Variants in TMEM178B observed in about 807,000 individuals in gnomAD.
TMEM178B encodes the protein transmembrane protein 178B.
Under a neutral mutation model 31.0 loss-of-function variants are expected in TMEM178B, and 5 were observed. The ratio of observed to expected loss-of-function variants is 0.16; its 90% CI spans 0.08 to 0.34. The LOEUF (loss-of-function observed/expected upper bound fraction) is 0.34. Ranked by LOEUF, TMEM178B falls within the 10% of genes least tolerant of loss-of-function variation. The probability of loss-of-function intolerance (pLI) is 1.00; values close to 1 mark genes in which losing one functional copy is unlikely to be tolerated. For missense variants in TMEM178B, 275 were observed against 400.3 expected (o/e 0.69, Z 2.67); for synonymous variants, 164 against 164.0 (o/e 1.00, Z 0.00).
chr7:141,167,321 C>T (rs1796277490), intron 1 of TMEM178B, among the ~76,000 whole-genome samples: 1 of 152,244 alleles, frequency 6.6e-6, no homozygotes, highest in South Asian at 2.1e-4. Context: ...TGTCATTTGT[C>T]TCTCTGTATG....
At chr7:141,420,621 C>T (rs1305179122) in intron 2 of TMEM178B, among the ~76,000 whole-genome samples, 1 of 152,060 alleles carries the variant, frequency 6.6e-6, no homozygotes, top group African/African-American at 2.4e-5. Flanking sequence ...ATCTCCTTAA[C>T]AGGAGAGGGA....
intron 2 of TMEM178B, among the ~76,000 whole-genome samples, chr7:141,301,678 C>T (rs117700557): frequency 7.3e-4 from 111 of 152,282 alleles, no homozygotes; most frequent in Non-Finnish European, 1.4e-3. Context: ...AGGAACAACT[C>T]CACTCCTTGC....
At chr7:141,169,111 T>A (rs1796305923) in intron 1 of TMEM178B, among the ~76,000 whole-genome samples, 1 of 152,348 alleles carries the variant, frequency 6.6e-6, no homozygotes, top group African/African-American at 2.4e-5. Context: ...ACTTGTGTCA[T>A]GGGGGTTGGT....
intron 3 of TMEM178B, among the ~76,000 whole-genome samples, chr7:141,457,535 TAAGA>T: frequency 6.6e-6 from 1 of 152,056 alleles, no homozygotes; most frequent in East Asian, 1.9e-4. Flanking sequence ...GGCTTCCTCA[TAAGA>T]AAGAATAGTG....
chr7:141,270,269 G>C (rs182368222), intron 2 of TMEM178B, among the ~76,000 whole-genome samples: 1 of 152,162 alleles, frequency 6.6e-6, no homozygotes, highest in Non-Finnish European at 1.5e-5. Context: ...GGTACAGACA[G>C]TCTACAGCTT....
chr7:141,443,407 T>C (rs1318596925), intron 3 of TMEM178B, among the ~76,000 whole-genome samples: 1 of 152,318 alleles, frequency 6.6e-6, no homozygotes, highest in East Asian at 1.9e-4. Flanking sequence ...AGGCTCCTCT[T>C]AGCTGTAGCT....
chr7:141,509,651 A>AAAAAC, the TMEM178B span, among the ~76,000 whole-genome samples: 85 of 152,284 alleles, frequency 5.6e-4, no homozygotes, highest in African/African-American at 7.2e-4. Flanking sequence ...ATTCCTTCTC[A>AAAAAC]AAAACAAAAC....
intron 2 of TMEM178B, among the ~76,000 whole-genome samples, chr7:141,303,228 G>T (rs1307662584): frequency 6.6e-6 from 1 of 152,096 alleles, no homozygotes; most frequent in African/African-American, 2.4e-5. Flanking sequence ...ATGTGACCGT[G>T]TAGCTTTTCT....
At chr7:141,105,554 T>A (rs1425125177) in intron 1 of TMEM178B, among the ~76,000 whole-genome samples, 3 of 152,148 alleles carry the variant, frequency 2.0e-5, no homozygotes, top group Non-Finnish European at 2.9e-5. Flanking sequence ...TTTTGTTTTA[T>A]TTAGCTACAA....
chr7:141,090,326 G>A (rs1224607031), intron 1 of TMEM178B, among the ~76,000 whole-genome samples: 2 of 152,144 alleles, frequency 1.3e-5, no homozygotes, highest in Admixed American at 1.3e-4. Flanking sequence ...CAGAGTGTTG[G>A]AGTTACAGGA....
rs185052039 is a variant in TMEM178B at position 141,341,669 on chromosome 7, C to T, written c.497-95939C>T. Among the ~76,000 whole-genome samples the T allele has an allele frequency of 3.9e-5, 6 of 152,296 alleles. No homozygotes were observed. In the East Asian group the frequency reaches 1.2e-3, roughly 29 times the overall value. On this transcript the variant is annotated intron_variant, in intron 2 of 3. Transcript: ENST00000565468. ...ACCACTAAGGGCTCTGCCAACTCTC[C>T]TGTCTAGCAATTTAGTGATTAATCA...
intron 2 of TMEM178B, among the ~76,000 whole-genome samples, chr7:141,337,116 C>T (rs200215750): frequency 5.2e-5 from 3 of 58,198 alleles, no homozygotes; most frequent in African/African-American, 1.4e-4. Context: ...ACCACCACCA[C>T]CATCACCACC....
At chr7:141,417,778 C>CGAA (rs1189950775) in intron 2 of TMEM178B, among the ~76,000 whole-genome samples, 1 of 152,226 alleles carries the variant, frequency 6.6e-6, no homozygotes, top group African/African-American at 2.4e-5. Flanking sequence ...TGAGCACTTA[C>CGAA]ATAGCAGTTA....
intron 1 of TMEM178B, among the ~76,000 whole-genome samples, chr7:141,173,980 G>T (rs144929646): frequency 1.7e-3 from 257 of 152,226 alleles, no homozygotes; most frequent in East Asian, 6.8e-3. Flanking sequence ...AAATTATACT[G>T]TAAGTTCTGG....
intron 1 of TMEM178B, among the ~76,000 whole-genome samples, chr7:141,103,708 A>C (rs1393324764): frequency 6.6e-6 from 1 of 152,158 alleles, no homozygotes; most frequent in Non-Finnish European, 1.5e-5. Flanking sequence ...CCTGGAAGAA[A>C]CCTGAATTTG....
chr7:141,266,264 T>G (rs1798093148), intron 2 of TMEM178B, among the ~76,000 whole-genome samples: 3 of 152,190 alleles, frequency 2.0e-5, no homozygotes, highest in Admixed American at 6.5e-5. Flanking sequence ...TCCAGGTGCC[T>G]TCAGAAGCCA....
intron 1 of TMEM178B, among the ~76,000 whole-genome samples, chr7:141,121,729 C>T (rs1209642782): frequency 6.6e-6 from 1 of 152,118 alleles, no homozygotes; most frequent in Non-Finnish European, 1.5e-5. Context: ...GATGCGATGA[C>T]TCTTAGATTG....
intron 1 of TMEM178B, among the ~76,000 whole-genome samples, chr7:141,157,316 C>T (rs936782953): frequency 1.3e-5 from 2 of 152,130 alleles, no homozygotes; most frequent in African/African-American, 4.8e-5. Flanking sequence ...CACCCTTCCT[C>T]CTCTCATGCT....
intron 2 of TMEM178B, among the ~76,000 whole-genome samples, chr7:141,346,466 A>T (rs1307952499): frequency 6.6e-6 from 1 of 152,208 alleles, no homozygotes; most frequent in East Asian, 1.9e-4. Flanking sequence ...TTAGGACAGT[A>T]CCTACCTTCA....
Sources: allele counts gnomAD v4.1 joint callset (sites outside exome capture counted in the v4.1 genomes callset), GRCh38; gene constraint gnomAD v4.1.1; transcripts MANE v1.5; gene names NCBI Gene and HGNC (gene_info 2026-07-23, HGNC 2026-07-21).